The following CDH13 variants were observed in gnomAD, a reference collection of about 807,000 sequenced individuals.
The protein encoded by CDH13 is cadherin-13.
CDH13 carries 24 observed loss-of-function variants against 63.8 expected under a neutral mutation model. That is an observed-to-expected ratio of 0.38 (90% CI 0.27 to 0.53). The LOEUF is 0.53. CDH13 is among the 20% of genes least tolerant of loss of function. The pLI, the probability that CDH13 is intolerant of heterozygous loss-of-function variation, is 0.85. For missense variants in CDH13, 1,049 were observed against 903.1 expected (o/e 1.16, Z -2.07); for synonymous variants, 503 against 355.3 (o/e 1.42, Z -4.67).
At chr16:83,059,233 T>A (rs1429075746) in intron 3 of CDH13, among the ~76,000 whole-genome samples, 1 of 152,086 alleles carries the variant, frequency 6.6e-6, no homozygotes, top group African/African-American at 2.4e-5. Context: ...ATTCTCAGAG[T>A]CATCCACCTG....
At chr16:83,607,146 G>A (rs537569144) in intron 8 of CDH13, among the ~76,000 whole-genome samples, 161 of 152,232 alleles carry the variant, frequency 1.1e-3, no homozygotes, top group African/African-American at 3.5e-3. Flanking sequence ...ATCCAGGCAC[G>A]GTGGCTCACA....
chr16:83,078,312 A>G (rs1391390108), intron 3 of CDH13, among the ~76,000 whole-genome samples: 1 of 152,168 alleles, frequency 6.6e-6, no homozygotes, highest in Non-Finnish European at 1.5e-5. Context: ...GACTGGTTTC[A>G]TGGAAGGCAA....
chr16:82,874,110 A>C (rs529747182), intron 2 of CDH13, among the ~76,000 whole-genome samples: 44 of 152,284 alleles, frequency 2.9e-4, no homozygotes, highest in African/African-American at 8.4e-4. Context: ...CCCTGTATTA[A>C]AACAGGTTGG....
At chr16:82,989,324 A>T (rs539618150) in intron 2 of CDH13, among the ~76,000 whole-genome samples, 1 of 152,134 alleles carries the variant, frequency 6.6e-6, no homozygotes, top group African/African-American at 2.4e-5. Flanking sequence ...TGCATATCGT[A>T]TTACCTTTTG....
chr16:82,936,414 G>A (rs1017421271), intron 2 of CDH13, among the ~76,000 whole-genome samples: 14 of 152,124 alleles, frequency 9.2e-5, no homozygotes, highest in Admixed American at 8.5e-4. Context: ...TTATGAGAAT[G>A]TAATGCCTGA....
chr16:83,199,994 C>T (rs77622502), intron 4 of CDH13, among the ~76,000 whole-genome samples: 2,798 of 152,226 alleles, frequency 0.018, 49 homozygotes, highest in Non-Finnish European at 0.029. Context: ...GGAATGAAGA[C>T]GAATCCTTGC....
intron 2 of CDH13, among the ~76,000 whole-genome samples, chr16:82,936,539 C>G (rs2042672064): frequency 6.6e-6 from 1 of 152,162 alleles, no homozygotes; most frequent in South Asian, 2.1e-4. Flanking sequence ...GGTTGGAAGA[C>G]TGCTGATCTA....
At chr16:83,444,440 A>T (rs2072604463) in intron 6 of CDH13, among the ~76,000 whole-genome samples, 1 of 152,340 alleles carries the variant, frequency 6.6e-6, no homozygotes, top group South Asian at 2.1e-4. Context: ...ATACTTCTTA[A>T]ATTTTGCTAT....
At chr16:82,847,352 G>A (rs2039305608) in intron 1 of CDH13, among the ~76,000 whole-genome samples, 1 of 152,182 alleles carries the variant, frequency 6.6e-6, no homozygotes, top group Admixed American at 6.5e-5. Context: ...ATTCTTTTCT[G>A]GAGTCTCATG....
chr16:83,746,643 G>C (rs768027728), intron 10 of CDH13, among the ~76,000 whole-genome samples: 13 of 151,810 alleles, frequency 8.6e-5, no homozygotes, highest in Non-Finnish European at 1.8e-4. Flanking sequence ...ATACAAGGCA[G>C]AGAAAATCAA....
chr16:83,484,112 G>A (rs1332593376), intron 6 of CDH13, among the ~76,000 whole-genome samples: 3 of 152,186 alleles, frequency 2.0e-5, no homozygotes, highest in Non-Finnish European at 4.4e-5. Flanking sequence ...ATCCAACCTT[G>A]AGGGTGGCCA....
intron 6 of CDH13, among the ~76,000 whole-genome samples, chr16:83,421,909 A>T (rs1473550244): frequency 6.6e-6 from 1 of 152,240 alleles, no homozygotes; most frequent in Non-Finnish European, 1.5e-5. Flanking sequence ...AAAGCAGGAA[A>T]CAAAGTTTTG....
intron 11 of CDH13, among the ~76,000 whole-genome samples, chr16:83,763,865 G>A (rs974309173): frequency 9.2e-5 from 14 of 152,232 alleles, no homozygotes; most frequent in African/African-American, 3.4e-4. Context: ...TGTGATCAGA[G>A]CCATTGGAGG....
chr16:82,773,624 A>G (rs776008844), intron 1 of CDH13: 1 of 152,130 alleles, frequency 6.6e-6, no homozygotes, highest in African/African-American at 2.4e-5. Flanking sequence ...AATTCATTTT[A>G]TATTTTCCTC....
At chr16:83,111,336 G>A (rs140171616) in intron 3 of CDH13, among the ~76,000 whole-genome samples, 1 of 152,258 alleles carries the variant, frequency 6.6e-6, no homozygotes, top group East Asian at 1.9e-4. Flanking sequence ...AGAATCTAGA[G>A]AGAAAATAAG....
intron 1 of CDH13, among the ~76,000 whole-genome samples, chr16:82,783,434 CT>C (rs1555515805): frequency 6.6e-6 from 1 of 152,222 alleles, no homozygotes; most frequent in Non-Finnish European, 1.5e-5. Context: ...CTGCGTGAGC[CT>C]GCCTTCCACT....
chr16:83,075,514 G>A (rs2032771968), intron 3 of CDH13, among the ~76,000 whole-genome samples: 1 of 152,162 alleles, frequency 6.6e-6, no homozygotes, highest in South Asian at 2.1e-4. Flanking sequence ...GGATGCAAAG[G>A]GAACAGGGTT....
rs1362195946 is a variant in CDH13 at position 83,223,242 on chromosome 16, T to A, written c.636+5745T>A. On this transcript the variant is annotated intron_variant, in intron 5 of 13. Coordinates refer to ENST00000567109, the MANE Select transcript of CDH13 (RefSeq NM_001257.5). ...TTTGGTGTCTTGTAAGGCCATTCTC[T>A]TCTTGCAATATGGTGCCTGGCACCT... is the stretch of plus-strand genomic sequence containing the variant. 7.2e-5 allele frequency among the ~76,000 whole-genome samples: 11 copies of A among 152,200 alleles called. 1 individual carries two copies. The East Asian group carries it at 2.1e-3, about 29-fold the overall frequency.
chr16:83,590,117 C>T (rs1906588277), intron 7 of CDH13, among the ~76,000 whole-genome samples: 2 of 152,118 alleles, frequency 1.3e-5, no homozygotes. Flanking sequence ...GTCTTTCATG[C>T]TTGAAAAACT....
Sources: allele counts gnomAD v4.1 joint callset (sites outside exome capture counted in the v4.1 genomes callset), GRCh38; gene constraint gnomAD v4.1.1; transcripts MANE v1.5; gene names NCBI Gene and HGNC (gene_info 2026-07-23, HGNC 2026-07-21).